Variants in CYP2S1 observed in about 807,000 individuals in gnomAD.
The protein encoded by CYP2S1 is cytochrome P450 family 2 subfamily S member 1, also known as cytochrome P450 2S1.
CYP2S1 carries 32 observed loss-of-function variants against 43.5 expected under a neutral mutation model. The ratio of observed to expected loss-of-function variants is 0.74; its 90% CI spans 0.56 to 0.99. The LOEUF (loss-of-function observed/expected upper bound fraction) is 0.99. CYP2S1 is among the 50% of genes least tolerant of loss of function. The pLI is 0.00. For missense variants in CYP2S1, 575 were observed against 673.9 expected (o/e 0.85, Z 1.62); for synonymous variants, 283 against 302.9 (o/e 0.93, Z 0.68).
intron 7 of CYP2S1, 144 bp from the exon 8 acceptor site, chr19:41,205,814 A>G: frequency 9.3e-7 from 1 of 1,075,338 alleles, no homozygotes; most frequent in Non-Finnish European, 1.3e-6. Flanking sequence ...GAGCCACTGC[A>G]CGCCACTCAA....
intron 2 of CYP2S1, among the ~76,000 whole-genome samples, chr19:41,197,520 G>C (rs889309623): frequency 6.6e-6 from 1 of 152,076 alleles, no homozygotes; most frequent in Non-Finnish European, 1.5e-5. Flanking sequence ...CTAACACAGT[G>C]AAACCCCATC....
chr19:41,202,963 T>C (rs1002597617), intron 6 of CYP2S1, among the ~76,000 whole-genome samples: 11 of 152,112 alleles, frequency 7.2e-5, no homozygotes, highest in Admixed American at 7.2e-4. Context: ...GAGCTGGGCA[T>C]GATGGCAGGC....
Position 41,202,056 on chromosome 19 carries a change from G to A in CYP2S1, c.976+684G>A, listed in dbSNP as rs558238946. 6.6e-5 allele frequency among the ~76,000 whole-genome samples: 10 copies of A among 151,990 alleles called. No individual in the cohort carries two copies. In the East Asian group the frequency reaches 1.6e-3, roughly 24 times the overall value. On this transcript the variant is annotated intron_variant, in intron 6 of 8. Transcript: ENST00000310054. ...GGCTGGAGTGCAGTAGTGCGATCTC[G>A]GCCCACTGCAACCTCCGGCCTCCTG...
chr19:41,197,363 C>T (rs554748129), intron 2 of CYP2S1, among the ~76,000 whole-genome samples: 1 of 152,184 alleles, frequency 6.6e-6, no homozygotes, highest in South Asian at 2.1e-4. Flanking sequence ...GGAATGGACT[C>T]AGATGGAGCC....
chr19:41,200,654 G>A (rs1345281174), intron 5 of CYP2S1, among the ~76,000 whole-genome samples: 1 of 152,166 alleles, frequency 6.6e-6, no homozygotes, highest in Non-Finnish European at 1.5e-5. Flanking sequence ...GACTACAGGC[G>A]TGAGCCACTG....
At position 41,197,871 on chromosome 19, in the gene CYP2S1, G is replaced by C; in HGVS notation, c.436G>C (p.Glu146Gln). 1 of 1,614,112 alleles carries C rather than the reference G, an allele frequency of 6.2e-7. No homozygotes were observed. The highest frequency in any genetic ancestry group is 1.7e-5 in the Admixed American group (1 of 60,014). ...RDLGMGKREG[E>Q]ELIQAEARCL... ...CCTGGGCATGGGGAAGCGAGAAGGC[G>C]AGGAGCTGATCCAGGCGGAGGCCCG... Residue 146 changes from glutamate to glutamine, a missense_variant, in exon 3 of 9, where the codon GAG (glutamate) becomes CAG (glutamine). Physicochemically the swap from Glu to Gln is conservative, Grantham distance 29 (BLOSUM62 2). Transcript: ENST00000310054.
chr19:41,195,862 A>C (rs1348499111), intron 2 of CYP2S1, among the ~76,000 whole-genome samples: 1 of 152,094 alleles, frequency 6.6e-6, no homozygotes, highest in Admixed American at 6.6e-5. Flanking sequence ...AGCCTGGGCA[A>C]CATGGTGAGA....
intron 7 of CYP2S1, among the ~76,000 whole-genome samples, chr19:41,205,330 C>CTTTCTTTT (rs1555727540): frequency 9.3e-5 from 9 of 96,554 alleles, no homozygotes; most frequent in Non-Finnish European, 1.6e-4. Flanking sequence ...CTTTGCCTTT[C>CTTTCTTTT]TTTCTTTCTT....
intron 6 of CYP2S1, among the ~76,000 whole-genome samples, chr19:41,202,667 G>A (rs953292032): frequency 9.2e-5 from 14 of 151,952 alleles, no homozygotes; most frequent in Non-Finnish European, 1.6e-4. Context: ...GTGCGTGCCT[G>A]TGGTCATAGC....
rs2122167392 is a variant in CYP2S1, at chr19:41,204,397, C to T, written c.1164+760C>T. Among the ~76,000 whole-genome samples, 3 of 144,856 alleles carry T rather than the reference C, an allele frequency of 2.1e-5. No individual in the cohort carries two copies. In the South Asian group the frequency reaches 7.2e-4, roughly 35 times the overall value. On this transcript the variant is annotated intron_variant, in intron 7 of 8. Coordinates refer to ENST00000310054, the MANE Select transcript of CYP2S1 (RefSeq NM_030622.8). ...GCCCCTGCTGCAGACACATTCTCTC[C>T]TCTGTCTCTCTCTCTCAATCTCAGT...
At chr19:41,193,585 G>C (rs1490141211) in intron 1 of CYP2S1, 144 bp downstream of exon 1, 1 of 1,333,578 alleles carries the variant, frequency 7.5e-7, no homozygotes, top group African/African-American at 1.5e-5. Flanking sequence ...TGCTGTCCTG[G>C]GGTTGGGGGC....
intron 5 of CYP2S1, among the ~76,000 whole-genome samples, chr19:41,199,337 C>A (rs1167220516): frequency 1.3e-5 from 2 of 152,070 alleles, no homozygotes; most frequent in African/African-American, 2.4e-5. Flanking sequence ...TTAATAAAGT[C>A]CACTTTATTA....
chr19:41,206,717 G>A lies in CYP2S1; in HGVS notation c.*229G>A, dbSNP rs770559766. ...CTACAAGGGCCACAAAGCAACTGCT[G>A]GGTTAGCTTTCCACAGACATAAATA... On this transcript the variant is annotated 3_prime_UTR_variant, in exon 9 of 9. Transcript: ENST00000310054. 3 of 758,086 alleles carry A rather than the reference G, an allele frequency of 4.0e-6. No homozygotes were observed. Among genetic ancestry groups the A allele is most frequent in the Non-Finnish European group, 7.2e-6 (3 of 415,740 alleles). 47.0% of individuals were successfully genotyped at this position (758,086 alleles called of 1,614,324 possible). A position where few individuals can be genotyped will look rare whatever the true frequency, so the allele number is the denominator to read the frequency against.
At position 41,206,747 on chromosome 19, in the gene CYP2S1, C is replaced by G. The variant is rs1159605146; in HGVS notation, c.*259C>G. On this transcript the variant is annotated 3_prime_UTR_variant, in exon 9 of 9. Transcript: ENST00000310054. ...AGCTTTCCACAGACATAAATATAGT[C>G]CATCTGCAATCACAAGCACATAGCC... The G allele has an allele frequency of 1.4e-6, 1 of 713,112 alleles. No individual in the cohort carries two copies. Among genetic ancestry groups the G allele is most frequent in the Admixed American group, 1.8e-5 (1 of 55,898 alleles). 44.2% of individuals were successfully genotyped at this position (713,112 alleles called of 1,614,324 possible).
Position 41,206,350 on chromosome 19 carries a change from A to C in CYP2S1, c.1377A>C (p.Gln459His). The C allele has an allele frequency of 6.2e-7, 1 of 1,614,014 alleles. No homozygotes were observed. Residue 459 changes from glutamine (Q) to histidine (H), a missense_variant, in exon 9 of 9, where the codon CAA becomes CAC. Physicochemically the swap from Gln to His is conservative, Grantham distance 24. Coordinates refer to ENST00000310054, the MANE Select transcript of CYP2S1 (RefSeq NM_030622.8). ...ELFLFFTTIL[Q>H]AFSLESPCPP... ...TCCTCTTCTTCACCACCATCCTACAAGCCTTCTCCCTGGAGAGCCCGTGCC... is the reference window on the plus strand; with the variant it reads ...TCCTCTTCTTCACCACCATCCTACACGCCTTCTCCCTGGAGAGCCCGTGCC...
At chr19:41,200,273 A>T (rs1258769203) in intron 5 of CYP2S1, among the ~76,000 whole-genome samples, 7 of 152,118 alleles carry the variant, frequency 4.6e-5, no homozygotes, top group Admixed American at 4.6e-4. Context: ...CAGTACATTC[A>T]TACTGTTATG....
intron 7 of CYP2S1, among the ~76,000 whole-genome samples, chr19:41,205,334 CTTTCTTTT>C (rs1555727544): frequency 4.4e-4 from 45 of 101,140 alleles, no homozygotes; most frequent in African/African-American, 2.0e-3. Context: ...GCCTTTCTTT[CTTTCTTTT>C]TTTCTTTCTT....
Position 41,197,815 on chromosome 19 carries a change from T to G in CYP2S1, c.380T>G (p.Leu127Arg). Residue 127 changes from leucine (L) to arginine (R), a missense_variant, in exon 3 of 9, where the codon CTG becomes CGG. By Grantham distance (102) the Leu-to-Arg change is moderately radical (BLOSUM62 -2). Coordinates refer to ENST00000310054, the MANE Select transcript of CYP2S1 (RefSeq NM_030622.8). ...TCCAACGGGGAGCGGTGGAGGCAGC[T>G]GAGGAAGTTTACCATGCTTGCTCTG... is the stretch of plus-strand genomic sequence containing the variant. ...FFSNGERWRQ[L>R]RKFTMLALRD... The G allele has an allele frequency of 6.2e-7, 1 of 1,614,026 alleles. No homozygotes were observed. Among genetic ancestry groups the G allele is most frequent in the South Asian group, 1.1e-5 (1 of 91,076 alleles).
In CYP2S1 at chr19:41,206,552, G is replaced by A; in HGVS notation, c.*64G>A. On this transcript the variant is annotated 3_prime_UTR_variant, in exon 9 of 9. Coordinates refer to ENST00000310054, the MANE Select transcript of CYP2S1 (RefSeq NM_030622.8). Reference sequence around the variant, plus strand: ...GCCTCCAGCCTCAACAGTGGGCATGGACAGGGTTAATGTCTCCAGAGTGTA... The same window carrying A: ...GCCTCCAGCCTCAACAGTGGGCATGAACAGGGTTAATGTCTCCAGAGTGTA... 6.3e-7 allele frequency: 1 copy of A among 1,587,142 alleles called. No homozygotes were observed. The highest frequency in any genetic ancestry group is 1.1e-5 in the South Asian group (1 of 90,454).
Sources: allele counts gnomAD v4.1 joint callset (sites outside exome capture counted in the v4.1 genomes callset), GRCh38; gene constraint gnomAD v4.1.1; transcripts MANE v1.5; gene names NCBI Gene and HGNC (gene_info 2026-07-23, HGNC 2026-07-21).